Variants in MRPL39 observed in about 807,000 individuals in gnomAD.
MRPL39 encodes the protein mitochondrial ribosomal protein L39, also known as large ribosomal subunit protein mL39.
In MRPL39, 35 loss-of-function variants were observed where a neutral mutation model predicts 44.5. The ratio of observed to expected loss-of-function variants is 0.79; its 90% CI spans 0.60 to 1.04. The LOEUF (loss-of-function observed/expected upper bound fraction) is 1.04, where lower values mean the gene tolerates loss of function less well. Ranked by LOEUF, MRPL39 falls within the 50% of genes least tolerant of loss-of-function variation. The probability of loss-of-function intolerance (pLI) is 0.00; values close to 1 mark genes in which losing one functional copy is unlikely to be tolerated. For synonymous variants in MRPL39, 139 were observed against 136.1 expected, an observed-to-expected ratio of 1.02 and a Z score of -0.15; for missense variants, 433 against 413.5, an observed-to-expected ratio of 1.05 and a Z score of -0.41.
chr21:25,590,068 A>G (rs959057966), intron 8 of MRPL39, among the ~76,000 whole-genome samples: 4 of 152,238 alleles, frequency 2.6e-5, no homozygotes, highest in Admixed American at 2.6e-4. Flanking sequence ...TAAGTGGAAA[A>G]TGCACTGTAG....
intron 5 of MRPL39, among the ~76,000 whole-genome samples, chr21:25,599,533 A>C (rs886906803): frequency 6.6e-6 from 1 of 152,210 alleles, no homozygotes; most frequent in Non-Finnish European, 1.5e-5. Flanking sequence ...GAAAAGGTCA[A>C]GCAGAACATA....
rs1221540494 is a variant in MRPL39, at chr21:25,603,839, T to C, written c.377A>G (p.Lys126Arg). Residue 126 changes from lysine to arginine, a missense_variant, in exon 3 of 10, where the codon AAA becomes AGA. Coordinates refer to ENST00000352957, the MANE Select transcript of MRPL39 (RefSeq NM_017446.4). ...YKPLTKSCEI[K>R]FLTFKDCDPG... ...ATCACAATCTTTGAAAGTAAGAAAT[T>C]TAATTTCACAGGACTTTGTTAAAGG... 3.1e-6 allele frequency: 5 copies of C among 1,612,148 alleles called. No homozygotes were observed. The highest frequency in any genetic ancestry group is 2.2e-5 in the East Asian group (1 of 44,832).
intron 1 of MRPL39, 25 bp downstream of exon 1, chr21:25,607,378 T>TG: frequency 6.2e-7 from 1 of 1,613,422 alleles, no homozygotes; most frequent in Non-Finnish European, 8.5e-7. Flanking sequence ...CCTCGCTCCC[T>TG]GTCCCTACGG....
In MRPL39 at chr21:25,607,419, A is replaced by C. The variant is rs1241587423; in HGVS notation, c.57T>G (p.Gly19=). 1.2e-6 allele frequency: 2 copies of C among 1,613,382 alleles called. No individual in the cohort carries two copies. Among genetic ancestry groups the C allele is most frequent in the Non-Finnish European group, 1.7e-6 (2 of 1,179,916 alleles). The change falls in exon 1 of 10, where the codon GGT becomes GGG. Residue 19 remains glycine, a synonymous_variant. Coordinates refer to ENST00000352957, the MANE Select transcript of MRPL39 (RefSeq NM_017446.4). ...RALRLWLVAP[G]GGIKWRFIAT... is the part of the protein sequence containing the mutation. ...GAAACTCACTCCATTTGATCCCGCCACCGGGTGCGACCAGCCAGAGCCGCA... is the reference window on the plus strand; with the variant it reads ...GAAACTCACTCCATTTGATCCCGCCCCCGGGTGCGACCAGCCAGAGCCGCA...
intron 7 of MRPL39, 130 bp downstream of exon 7, chr21:25,593,763 C>T: frequency 1.5e-6 from 1 of 649,408 alleles, no homozygotes; most frequent in South Asian, 3.4e-5. Context: ...ATGAACGAAG[C>T]AACCAAAAAT....
In MRPL39 at chr21:25,601,876, A is replaced by G. The variant is rs565744890; in HGVS notation, c.421-409T>C. Among the ~76,000 whole-genome samples the G allele has an allele frequency of 4.4e-4, 67 of 152,288 alleles. 1 individual carries two copies. Among genetic ancestry groups the G allele is most frequent in the African/African-American group, 1.4e-3 (60 of 41,562 alleles). ...ATGGAGAAAAACTCAACTTTTATGA[A>G]TTATTAGTGACTCTTATCCTCTACC... is the stretch of plus-strand genomic sequence containing the variant. On this transcript the variant is annotated intron_variant, in intron 3 of 9. Coordinates refer to ENST00000352957, the MANE Select transcript of MRPL39 (RefSeq NM_017446.4).
intron 9 of MRPL39, 39 bp from the exon 10 acceptor site, chr21:25,585,793 CT>C (rs1359000954): frequency 1.4e-6 from 2 of 1,454,848 alleles, no homozygotes; most frequent in South Asian, 2.4e-5. Context: ...CTAATAAACA[CT>C]TTCAGTTTTA....
At chr21:25,596,260 A>G (rs1032253695) in intron 6 of MRPL39, among the ~76,000 whole-genome samples, 2 of 152,116 alleles carry the variant, frequency 1.3e-5, no homozygotes, top group East Asian at 1.9e-4. Context: ...CACCACGCCC[A>G]GCTAATTTTT....
chr21:25,586,656 C>T (rs796315334), intron 9 of MRPL39, among the ~76,000 whole-genome samples: 5 of 152,288 alleles, frequency 3.3e-5, no homozygotes, highest in African/African-American at 1.2e-4. Flanking sequence ...CTACATGTGA[C>T]CTGTACATTC....
chr21:25,594,106 T>A lies in MRPL39; in HGVS notation c.702-148A>T, dbSNP rs377211229. 5 of 650,408 alleles carry A rather than the reference T, an allele frequency of 7.7e-6. No homozygotes were observed. In the African/African-American group the frequency reaches 9.1e-5, roughly 12 times the overall value. 40.3% of individuals were successfully genotyped at this position (650,408 alleles called of 1,614,324 possible). ...TCCCTTTAATCTGGCCACAGCCCCA[T>A]GACTCTGCCAAACTGTTCTCAACAA... On this transcript the variant is annotated intron_variant, in intron 6 of 9. Transcript: ENST00000352957.
At chr21:25,596,140 C>A (rs2031350872) in intron 6 of MRPL39, among the ~76,000 whole-genome samples, 1 of 151,928 alleles carries the variant, frequency 6.6e-6, no homozygotes, top group Non-Finnish European at 1.5e-5. Flanking sequence ...GCTCTTTCGC[C>A]CAGGCCGGAC....
chr21:25,603,522 GAATCACCCA>G (rs2031578372), intron 3 of MRPL39, among the ~76,000 whole-genome samples: 1 of 152,132 alleles, frequency 6.6e-6, no homozygotes, highest in African/African-American at 2.4e-5. Flanking sequence ...AGTGGAAATG[GAATCACCCA>G]CAATATAGAG....
chr21:25,601,448 G>A lies in MRPL39; in HGVS notation c.440C>T (p.Ala147Val), dbSNP rs760557507. 4 of 1,591,486 alleles carry A rather than the reference G, an allele frequency of 2.5e-6. No homozygotes were observed. Among genetic ancestry groups the A allele is most frequent in the Non-Finnish European group, 3.4e-6 (4 of 1,168,150 alleles). ...EVNKAYWRSC[A>V]MMMGCVIERA... ...CTCTATCACACAGCCCATCATCATA[G>A]CACAGGAACGCCAATATGCCTAGAA... The change falls in exon 4 of 10, where the codon GCT (alanine) becomes GTT (valine). Residue 147 changes from alanine to valine, a missense_variant. By Grantham distance (64) the Ala-to-Val change is moderately conservative. Transcript: ENST00000352957.
At chr21:25,603,344 A>G (rs1279811628) in intron 3 of MRPL39, among the ~76,000 whole-genome samples, 1 of 152,194 alleles carries the variant, frequency 6.6e-6, no homozygotes, top group African/African-American at 2.4e-5. Flanking sequence ...TTTAGGTTTA[A>G]GTGACATGAT....
intron 4 of MRPL39, among the ~76,000 whole-genome samples, chr21:25,600,562 A>G (rs934396850): frequency 6.3e-5 from 7 of 110,422 alleles, no homozygotes; most frequent in Non-Finnish European, 1.1e-4. Context: ...TATTTTAGGT[A>G]TATCTACTTC....
At chr21:25,600,979 G>A (rs975369926) in intron 4 of MRPL39, among the ~76,000 whole-genome samples, 6 of 152,110 alleles carry the variant, frequency 3.9e-5, no homozygotes, top group South Asian at 2.1e-4. Flanking sequence ...GTGGTGGCGC[G>A]CGCCTGTAGA....
chr21:25,607,573 A>C, upstream of MRPL39: 1 of 1,267,804 alleles, frequency 7.9e-7, no homozygotes, highest in Non-Finnish European at 1.1e-6. Context: ...TCTGTTCCGG[A>C]CCCAGCACTC....
At chr21:25,585,786 A>G (rs1188022990) in intron 9 of MRPL39, 32 bp from the exon 10 acceptor site, 1 of 1,505,214 alleles carries the variant, frequency 6.6e-7, no homozygotes, top group Admixed American at 1.7e-5. Flanking sequence ...TACTTTCCTA[A>G]TAAACACTTT....
chr21:25,590,829 T>TA (rs1483893168), intron 8 of MRPL39, among the ~76,000 whole-genome samples: 2 of 152,020 alleles, frequency 1.3e-5, no homozygotes, highest in African/African-American at 2.4e-5. Context: ...CAATTTTGAT[T>TA]AAAAAACAGT....
Sources: allele counts gnomAD v4.1 joint callset (sites outside exome capture counted in the v4.1 genomes callset), GRCh38; gene constraint gnomAD v4.1.1; transcripts MANE v1.5; gene names NCBI Gene and HGNC (gene_info 2026-07-23, HGNC 2026-07-21).